Variants in GRB10 observed in about 807,000 individuals in gnomAD.
GRB10 encodes growth factor receptor-bound protein 10.
In GRB10, 20 loss-of-function variants were observed where a neutral mutation model predicts 80.9. The ratio of observed to expected loss-of-function variants is 0.25; its 90% confidence interval spans 0.17 to 0.36. The LOEUF is 0.36. Ranked by LOEUF, GRB10 falls within the 10% of genes least tolerant of loss-of-function variation. The probability of loss-of-function intolerance (pLI) is 1.00; values close to 1 mark genes in which losing one functional copy is unlikely to be tolerated. For missense variants in GRB10, 548 were observed against 747.7 expected (o/e 0.73, Z 3.12); for synonymous variants, 291 against 291.5 (o/e 1.00, Z 0.02).
At chr7:50,716,788 A>T (rs990148753) in intron 4 of GRB10, among the ~76,000 whole-genome samples, 1 of 152,208 alleles carries the variant, frequency 6.6e-6, no homozygotes, top group Non-Finnish European at 1.5e-5. Flanking sequence ...CCCTCGCCCA[A>T]CGGCTGGCGT....
At chr7:50,731,473 C>A (rs550204922) in intron 4 of GRB10, among the ~76,000 whole-genome samples, 279 of 152,258 alleles carry the variant, frequency 1.8e-3, no homozygotes, top group Non-Finnish European at 3.5e-3. Context: ...GACTTCCAAA[C>A]CTAGGACTGC....
chr7:50,724,255 A>G (rs1404801568), intron 4 of GRB10, among the ~76,000 whole-genome samples: 1 of 152,234 alleles, frequency 6.6e-6, no homozygotes, highest in Non-Finnish European at 1.5e-5. Flanking sequence ...TTCAGGAGCC[A>G]CCTGCGGGGA....
chr7:50,655,075 C>T (rs988338537), intron 7 of GRB10, among the ~76,000 whole-genome samples: 1 of 152,150 alleles, frequency 6.6e-6, no homozygotes. Flanking sequence ...TTGTTTTTGG[C>T]TTTTGTTTCT....
At chr7:50,655,212 G>C (rs2153622431) in intron 7 of GRB10, among the ~76,000 whole-genome samples, 1 of 152,274 alleles carries the variant, frequency 6.6e-6, no homozygotes, top group Middle Eastern at 3.4e-3. Context: ...CACAGCTCAG[G>C]AGCCACACAA....
intron 7 of GRB10, among the ~76,000 whole-genome samples, chr7:50,660,839 C>CATCCT (rs1563332374): frequency 8.1e-6 from 1 of 123,090 alleles, no homozygotes; most frequent in East Asian, 3.1e-4. Flanking sequence ...TTATCCATCC[C>CATCCT]GCCAGGGCCA....
chr7:50,676,414 G>A (rs1251042201), intron 5 of GRB10, among the ~76,000 whole-genome samples: 1 of 149,576 alleles, frequency 6.7e-6, no homozygotes, highest in African/African-American at 2.5e-5. Flanking sequence ...TAAACAGGAA[G>A]ATGTTATTTA....
Position 50,656,584 on chromosome 7 carries a change from G to A in GRB10, c.504+13138C>T, listed in dbSNP as rs148025781. On this transcript the variant is annotated intron_variant, in intron 7 of 18. Coordinates refer to ENST00000401949, the MANE Select transcript of GRB10 (RefSeq NM_001350814.2). ...GAAAAGCCAGAGGGCTTGCTAAGGTGTCTGCGGTATTCTGAAGACACAAAT... is the reference window on the plus strand; with the variant it reads ...GAAAAGCCAGAGGGCTTGCTAAGGTATCTGCGGTATTCTGAAGACACAAAT... Among the ~76,000 whole-genome samples, 11 of 152,344 alleles carry A rather than the reference G, an allele frequency of 7.2e-5. No homozygotes were observed. In the East Asian group the frequency reaches 1.9e-3, roughly 27 times the overall value.
At chr7:50,768,711 G>A (rs971815426) in intron 2 of GRB10, among the ~76,000 whole-genome samples, 3 of 152,158 alleles carry the variant, frequency 2.0e-5, no homozygotes, top group Non-Finnish European at 4.4e-5. Flanking sequence ...AGCAGCTTGT[G>A]GCAAGCATGA....
intron 4 of GRB10, among the ~76,000 whole-genome samples, chr7:50,725,154 G>A (rs1305684256): frequency 6.6e-6 from 1 of 152,188 alleles, no homozygotes; most frequent in Non-Finnish European, 1.5e-5. Context: ...AAGGTTGGAG[G>A]AGGAGCCTGG....
chr7:50,708,596 TTGTCTGTG>T (rs1476137579), intron 4 of GRB10, among the ~76,000 whole-genome samples: 1 of 151,962 alleles, frequency 6.6e-6, no homozygotes, highest in East Asian at 1.9e-4. Flanking sequence ...TAGTTTTTGT[TTGTCTGTG>T]TGTCTGTTTC....
chr7:50,786,598 A>T (rs1230977988), upstream of GRB10, among the ~76,000 whole-genome samples: 1 of 152,266 alleles, frequency 6.6e-6, no homozygotes, highest in Non-Finnish European at 1.5e-5. Flanking sequence ...GGAAGCCTCT[A>T]AATGTTTTAG....
intron 1 of GRB10, chr7:50,781,634 G>T (rs533791550): frequency 6.6e-6 from 1 of 152,410 alleles, no homozygotes; most frequent in South Asian, 2.1e-4. Context: ...CTGTGTGCCG[G>T]CTCCGCAGAC....
chr7:50,755,167 A>G (rs985282555), intron 3 of GRB10, among the ~76,000 whole-genome samples: 16 of 152,216 alleles, frequency 1.1e-4, no homozygotes, highest in Non-Finnish European at 1.3e-4. Context: ...TCTGCAGGCA[A>G]AGGCTCCGGC....
chr7:50,721,519 A>T (rs1454605286), intron 4 of GRB10, among the ~76,000 whole-genome samples: 2 of 152,252 alleles, frequency 1.3e-5, no homozygotes, highest in Non-Finnish European at 2.9e-5. Context: ...TATGCCAAAG[A>T]GAAGCAACTC....
chr7:50,645,929 C>T (rs1036846781), intron 7 of GRB10, among the ~76,000 whole-genome samples: 5 of 152,144 alleles, frequency 3.3e-5, no homozygotes, highest in East Asian at 1.9e-4. Context: ...GCCTTCCCAT[C>T]GTATTATAAG....
intron 6 of GRB10, among the ~76,000 whole-genome samples, chr7:50,670,583 C>T (rs2060255707): frequency 6.6e-6 from 1 of 152,042 alleles, no homozygotes; most frequent in Non-Finnish European, 1.5e-5. Flanking sequence ...TCATCTCAGG[C>T]AGCATTCAGT....
At chr7:50,705,183 G>C in intron 4 of GRB10, 1 of 985,696 alleles carries the variant, frequency 1.0e-6, no homozygotes, top group South Asian at 4.7e-5. Flanking sequence ...TGTGCTTCAC[G>C]GACCACTCAC....
chr7:50,670,590 C>T (rs2060256297), intron 6 of GRB10, among the ~76,000 whole-genome samples: 1 of 152,070 alleles, frequency 6.6e-6, no homozygotes. Flanking sequence ...AGGCAGCATT[C>T]AGTGCCTGAC....
intron 4 of GRB10, among the ~76,000 whole-genome samples, chr7:50,709,149 G>A (rs2065480449): frequency 6.6e-6 from 1 of 152,184 alleles, no homozygotes; most frequent in African/African-American, 2.4e-5. Flanking sequence ...GTCAGAACAA[G>A]CCCATCCAGC....
Sources: gnomAD v4.1 joint callset for allele counts (sites outside exome capture counted in the v4.1 genomes callset) on GRCh38, gnomAD v4.1.1 for gene constraint, MANE v1.5 for transcripts, NCBI Gene and HGNC (gene_info 2026-07-23, HGNC 2026-07-21) for gene names.